The following TRPM8 variants were observed in gnomAD, a reference collection of about 807,000 sequenced individuals.
TRPM8 encodes the protein TRPM8 cationic channel.
In TRPM8, 110 loss-of-function variants were observed where a neutral mutation model predicts 133.7. The ratio of observed to expected loss-of-function variants is 0.82; its 90% CI spans 0.70 to 0.96. TRPM8 has a LOEUF of 0.96. Among genes scored for constraint, TRPM8 ranks in the 40% least tolerant of loss-of-function variants. The pLI, the probability that TRPM8 is intolerant of heterozygous loss-of-function variation, is 0.00. For synonymous variants in TRPM8, 535 were observed against 532.3 expected (o/e 1.01, Z -0.07); for missense variants, 1,291 against 1,379.5 (o/e 0.94, Z 1.02).
intron 5 of TRPM8, 27 bp from the exon 6 acceptor site, chr2:233,942,549 C>G (rs200062504): frequency 1.9e-6 from 3 of 1,613,784 alleles, no homozygotes; most frequent in Non-Finnish European, 2.5e-6. Flanking sequence ...TGCCACTTGA[C>G]CATTTACTCT....
chr2:233,965,627 A>G (rs953355635), intron 14 of TRPM8, among the ~76,000 whole-genome samples: 3 of 152,216 alleles, frequency 2.0e-5, no homozygotes, highest in African/African-American at 7.2e-5. Flanking sequence ...TGTCTTATCA[A>G]ATGTAAACAT....
chr2:233,965,450 G>A (rs961176146), intron 14 of TRPM8, among the ~76,000 whole-genome samples: 1 of 152,172 alleles, frequency 6.6e-6, no homozygotes, highest in South Asian at 2.1e-4. Context: ...AACAAAGCTT[G>A]CCAGTGCCCT....
At chr2:233,991,442 G>A (rs376860872) in intron 21 of TRPM8, among the ~76,000 whole-genome samples, 12 of 152,278 alleles carry the variant, frequency 7.9e-5, no homozygotes, top group Middle Eastern at 3.4e-3. Context: ...ACACACCAGC[G>A]CATCAGAGAG....
At chr2:233,995,167 A>G (rs1171466004) in intron 21 of TRPM8, among the ~76,000 whole-genome samples, 1 of 152,216 alleles carries the variant, frequency 6.6e-6, no homozygotes, top group Non-Finnish European at 1.5e-5. Flanking sequence ...CAGACAATTC[A>G]CTTACCTTTG....
chr2:234,011,746 G>A (rs574111052), intron 24 of TRPM8, among the ~76,000 whole-genome samples: 81 of 151,844 alleles, frequency 5.3e-4, no homozygotes, highest in African/African-American at 1.8e-3. Context: ...GGGAAACCCC[G>A]TCTCTACTAA....
chr2:233,961,701 C>T (rs904873593), intron 12 of TRPM8, among the ~76,000 whole-genome samples: 2 of 147,060 alleles, frequency 1.4e-5, no homozygotes, highest in Admixed American at 7.0e-5. Flanking sequence ...CTGATCTGAG[C>T]TCACTGCAAC....
chr2:233,940,284 G>GTT lies in TRPM8; in HGVS notation c.526+1122_526+1123dup, dbSNP rs397736139. ...GAAACGTGTCGTAATCTAGACATGG[G>GTT]TTTTTTTTTTTTTTAATATCAAGAA... On this transcript the variant is annotated intron_variant, in intron 5 of 25. Transcript: ENST00000324695. Among the ~76,000 whole-genome samples, 157 of 137,356 alleles carry GTT rather than the reference G, an allele frequency of 1.1e-3. 1 individual carries two copies. The highest frequency in any genetic ancestry group is 3.9e-3 in the African/African-American group (151 of 38,606). The allele number at this position is 137,356 out of a possible 152,430, so 90.1% of individuals were successfully genotyped here.
intron 9 of TRPM8, 99 bp from the exon 10 acceptor site, chr2:233,953,818 A>G (rs533634524): frequency 1.3e-6 from 1 of 787,450 alleles, no homozygotes; most frequent in African/African-American, 1.7e-5. Context: ...ACTCCACTAC[A>G]GGTGGTCTTT....
intron 11 of TRPM8, among the ~76,000 whole-genome samples, chr2:233,959,429 C>T (rs1224388295): frequency 8.2e-5 from 12 of 147,064 alleles, no homozygotes; most frequent in Admixed American, 4.1e-4. Context: ...CAGGTTCAAG[C>T]GATTCTGGGA....
chr2:233,961,276 T>C lies in TRPM8; in HGVS notation c.1653+210T>C, dbSNP rs533189097. On this transcript the variant is annotated intron_variant, in intron 12 of 25. Transcript: ENST00000324695. ...TTCTAATATCTTGCTTTATGATCTATATGATACCATATTTCAGACTAGTTG... is the reference window on the plus strand; with the variant it reads ...TTCTAATATCTTGCTTTATGATCTACATGATACCATATTTCAGACTAGTTG... Among the ~76,000 whole-genome samples, 152 of 152,326 alleles carry C rather than the reference T, an allele frequency of 1.0e-3. 2 individuals are homozygous for C. The South Asian group carries it at 0.011, about 11-fold the overall frequency.
At chr2:233,994,709 A>ATT (rs950683432) in intron 21 of TRPM8, among the ~76,000 whole-genome samples, 2 of 152,154 alleles carry the variant, frequency 1.3e-5, no homozygotes, top group Non-Finnish European at 2.9e-5. Context: ...TGCTTAAGAT[A>ATT]TTTAAGTCTA....
intron 2 of TRPM8, among the ~76,000 whole-genome samples, chr2:233,929,402 G>A (rs987822865): frequency 2.6e-5 from 4 of 152,348 alleles, no homozygotes; most frequent in South Asian, 2.1e-4. Context: ...GGCACATTGT[G>A]AACTTCATTC....
intron 5 of TRPM8, among the ~76,000 whole-genome samples, chr2:233,942,326 C>T (rs1196149691): frequency 6.6e-6 from 1 of 152,126 alleles, no homozygotes; most frequent in African/African-American, 2.4e-5. Flanking sequence ...GATCCACTCG[C>T]CTTGGCCTCC....
At chr2:233,968,180 G>A (rs1252498234) in intron 15 of TRPM8, 1 of 152,202 alleles carries the variant, frequency 6.6e-6, no homozygotes, top group Non-Finnish European at 1.5e-5. Context: ...GAATAGGAGA[G>A]TGAGGAAGAC....
At chr2:233,953,541 T>C (rs985261191) in intron 9 of TRPM8, among the ~76,000 whole-genome samples, 1 of 152,222 alleles carries the variant, frequency 6.6e-6, no homozygotes, top group African/African-American at 2.4e-5. Flanking sequence ...ATTGTTTAAA[T>C]CTTTATGGGC....
At position 233,936,127 on chromosome 2, in the gene TRPM8, C is replaced by T. The variant is rs577889290; in HGVS notation, c.192-1226C>T. Among the ~76,000 whole-genome samples, 23 of 152,136 alleles carry T rather than the reference C, an allele frequency of 1.5e-4. 1 individual carries two copies. The highest frequency in any genetic ancestry group is 1.2e-3 in the Admixed American group (19 of 15,278). On this transcript the variant is annotated intron_variant, in intron 3 of 25. Transcript: ENST00000324695. ...CAAGCCTGACAGGGGAGGGGCTGTG[C>T]GAGAGTAAAAGGAGGTGTTTTGTTT...
intron 17 of TRPM8, among the ~76,000 whole-genome samples, chr2:233,973,820 T>G (rs1424734772): frequency 6.6e-6 from 1 of 152,222 alleles, no homozygotes. Flanking sequence ...ATTCATCATT[T>G]AAAACAGGGT....
At chr2:233,999,356 C>G (rs764529263) in intron 22 of TRPM8, among the ~76,000 whole-genome samples, 1 of 151,098 alleles carries the variant, frequency 6.6e-6, no homozygotes, top group Non-Finnish European at 1.5e-5. Flanking sequence ...ACTGCAAGGC[C>G]CCTGAGGCTG....
intron 24 of TRPM8, 39 bp from the exon 25 acceptor site, chr2:234,014,523 T>A: frequency 7.2e-7 from 1 of 1,387,000 alleles, no homozygotes; most frequent in Non-Finnish European, 9.8e-7. Context: ...AGTTGGAAAA[T>A]TTATCTTAAG....
Sources: gnomAD v4.1 joint callset for allele counts (sites outside exome capture counted in the v4.1 genomes callset) on GRCh38, gnomAD v4.1.1 for gene constraint, MANE v1.5 for transcripts, NCBI Gene and HGNC (gene_info 2026-07-23, HGNC 2026-07-21) for gene names.